CCDC171: variants seen among roughly 807,000 people sequenced by gnomAD.
CCDC171 encodes coiled-coil domain-containing protein 171.
Under a neutral mutation model 168.2 loss-of-function variants are expected in CCDC171, and 177 were observed. The observed-to-expected ratio is 1.05, with a 90% CI of 0.93 to 1.19. The LOEUF (loss-of-function observed/expected upper bound fraction) is 1.19. Among genes scored for constraint, CCDC171 ranks in the 50% most tolerant of loss-of-function variants. The probability of loss-of-function intolerance (pLI) is 0.00; values close to 1 mark genes in which losing one functional copy is unlikely to be tolerated. For synonymous variants in CCDC171, 687 were observed against 540.8 expected, an observed-to-expected ratio of 1.27 and a Z score of -3.75; for missense variants, 1,991 against 1,539.0, an observed-to-expected ratio of 1.29 and a Z score of -4.91.
intron 5 of CCDC171, among the ~76,000 whole-genome samples, chr9:15,593,218 A>G (rs867435587): frequency 6.6e-6 from 1 of 152,094 alleles, no homozygotes; most frequent in Non-Finnish European, 1.5e-5. Context: ...CCATGCTACC[A>G]TTGTGTGGAC....
At chr9:16,066,354 A>G (rs1045358306), downstream of CCDC171, among the ~76,000 whole-genome samples, 7 of 152,356 alleles carry the variant, frequency 4.6e-5, no homozygotes, top group Non-Finnish European at 7.3e-5. Flanking sequence ...TAGATGTCAC[A>G]GAAGTATAGA....
At chr9:15,752,083 A>C (rs1465149050) in intron 18 of CCDC171, among the ~76,000 whole-genome samples, 1 of 152,246 alleles carries the variant, frequency 6.6e-6, no homozygotes, top group East Asian at 1.9e-4. Flanking sequence ...ACCCCATCAA[A>C]AAGTGGGCAA....
intron 21 of CCDC171, among the ~76,000 whole-genome samples, chr9:15,822,978 A>T (rs928112768): frequency 2.0e-5 from 3 of 152,210 alleles, no homozygotes; most frequent in East Asian, 3.8e-4. Context: ...ATTGTGGCAC[A>T]TATACACAAT....
intron 11 of CCDC171, among the ~76,000 whole-genome samples, chr9:15,711,162 A>C (rs1166764295): frequency 6.6e-6 from 1 of 152,194 alleles, no homozygotes; most frequent in Non-Finnish European, 1.5e-5. Context: ...AGGAATTGAA[A>C]ATTTAATTTT....
intron 8 of CCDC171, among the ~76,000 whole-genome samples, chr9:15,665,365 G>A (rs1433498848): frequency 1.3e-5 from 2 of 151,960 alleles, no homozygotes; most frequent in Non-Finnish European, 2.9e-5. Flanking sequence ...TTGACAATAA[G>A]AAGATCACTT....
chr9:15,575,235 G>A (rs972875569), intron 3 of CCDC171, among the ~76,000 whole-genome samples: 2 of 140,844 alleles, frequency 1.4e-5, no homozygotes, highest in African/African-American at 5.4e-5. Flanking sequence ...GTGTGATCTT[G>A]GCTCACTGCA....
chr9:15,744,986 A>G (rs750828469), intron 17 of CCDC171, among the ~76,000 whole-genome samples: 47 of 152,196 alleles, frequency 3.1e-4, no homozygotes, highest in Non-Finnish European at 5.1e-4. Context: ...ACAGGTTAAA[A>G]TATTAGGTGG....
intron 9 of CCDC171, among the ~76,000 whole-genome samples, chr9:15,669,619 AT>A (rs1365196271): frequency 2.6e-5 from 4 of 152,158 alleles, no homozygotes; most frequent in African/African-American, 9.7e-5. Flanking sequence ...GAATTTTCAA[AT>A]ATAGTAAAGT....
chr9:15,585,350 C>A (rs777246683), intron 4 of CCDC171, among the ~76,000 whole-genome samples: 24 of 152,076 alleles, frequency 1.6e-4, no homozygotes, highest in Non-Finnish European at 2.4e-4. Flanking sequence ...CATTCATTAA[C>A]AAGAGAATGA....
At chr9:15,910,737 C>T (rs566082815) in intron 24 of CCDC171, among the ~76,000 whole-genome samples, 19 of 152,138 alleles carry the variant, frequency 1.2e-4, no homozygotes, top group South Asian at 1.2e-3. Context: ...TGATGTTCCC[C>T]TCCCTGTGCC....
intron 23 of CCDC171, among the ~76,000 whole-genome samples, chr9:15,871,185 A>G (rs1479694607): frequency 6.6e-6 from 1 of 151,702 alleles, no homozygotes. Flanking sequence ...AAAGAACGTT[A>G]TAGAATGTAT....
intron 18 of CCDC171, among the ~76,000 whole-genome samples, chr9:15,752,792 T>G (rs1474774975): frequency 6.6e-6 from 1 of 151,962 alleles, no homozygotes; most frequent in Admixed American, 6.6e-5. Flanking sequence ...CTAATGTAAA[T>G]GATGAATTGA....
At chr9:15,657,267 A>G (rs766983381) in intron 8 of CCDC171, 48 bp downstream of exon 8, 7 of 1,195,400 alleles carry the variant, frequency 5.9e-6, no homozygotes, top group Non-Finnish European at 8.6e-6. Flanking sequence ...AATTTGTGTT[A>G]TAACAGCTGG....
intron 3 of CCDC171, among the ~76,000 whole-genome samples, chr9:15,987,454 A>C (rs1343788932): frequency 6.6e-6 from 1 of 152,190 alleles, no homozygotes; most frequent in East Asian, 1.9e-4. Context: ...CAATATTGTA[A>C]CAAATGTAAA....
chr9:16,103,967 T>C, the CCDC171 span, among the ~76,000 whole-genome samples: 1 of 152,182 alleles, frequency 6.6e-6, no homozygotes, highest in Non-Finnish European at 1.5e-5. Flanking sequence ...GTGGAAAAAG[T>C]CTGAGACTTC....
intron 21 of CCDC171, among the ~76,000 whole-genome samples, chr9:15,800,206 T>A (rs908079189): frequency 1.3e-5 from 2 of 152,146 alleles, no homozygotes; most frequent in Non-Finnish European, 2.9e-5. Context: ...TTCTCCATAG[T>A]GGTTGTACTA....
intron 3 of CCDC171, among the ~76,000 whole-genome samples, chr9:15,984,101 T>C (rs1260095863): frequency 6.6e-6 from 1 of 152,174 alleles, no homozygotes. Context: ...CTTTGAAATA[T>C]AGAGCCCAGG....
chr9:15,985,892 G>A (rs992253171), intron 3 of CCDC171, among the ~76,000 whole-genome samples: 3 of 152,192 alleles, frequency 2.0e-5, no homozygotes, highest in African/African-American at 7.2e-5. Flanking sequence ...AGTTTTGTGT[G>A]CAGCTGTTGA....
At chr9:15,924,115 G>GA (rs1825642480) in intron 25 of CCDC171, among the ~76,000 whole-genome samples, 3 of 151,308 alleles carry the variant, frequency 2.0e-5, no homozygotes, top group Non-Finnish European at 3.0e-5. Flanking sequence ...TCAAAGAAGG[G>GA]AAAATCTTCT....
Sources: gnomAD v4.1 joint callset for allele counts (sites outside exome capture counted in the v4.1 genomes callset) on GRCh38, gnomAD v4.1.1 for gene constraint, MANE v1.5 for transcripts, NCBI Gene and HGNC (gene_info 2026-07-23, HGNC 2026-07-21) for gene names.